Variants in KCNH8 observed in about 807,000 individuals in gnomAD.
KCNH8 encodes potassium voltage-gated channel subfamily H member 8.
KCNH8 carries 70 observed loss-of-function variants against 103.6 expected under a neutral mutation model. The ratio of observed to expected loss-of-function variants is 0.68; its 90% CI spans 0.56 to 0.82. The LOEUF is 0.82. Among genes scored for constraint, KCNH8 ranks in the 40% least tolerant of loss-of-function variants. The probability of loss-of-function intolerance (pLI) is 0.00; values close to 1 mark genes in which losing one functional copy is unlikely to be tolerated. For missense variants in KCNH8, 1,217 were observed against 1,329.9 expected, an observed-to-expected ratio of 0.92 and a Z score of 1.32; for synonymous variants, 498 against 489.4, an observed-to-expected ratio of 1.02 and a Z score of -0.23.
At chr3:19,325,885 C>T (rs74617771) in intron 3 of KCNH8, among the ~76,000 whole-genome samples, 2,518 of 152,230 alleles carry the variant, frequency 0.017, 68 homozygotes, top group African/African-American at 0.054. Flanking sequence ...AAGACATGCA[C>T]ATGTATGTTC....
chr3:19,216,763 T>G (rs892727002), intron 1 of KCNH8, among the ~76,000 whole-genome samples: 3 of 152,190 alleles, frequency 2.0e-5, no homozygotes, highest in Non-Finnish European at 2.9e-5. Context: ...TCTCTTCAGT[T>G]TTGTAGCAGT....
At chr3:19,479,059 T>C (rs1484548000) in intron 11 of KCNH8, among the ~76,000 whole-genome samples, 5 of 152,208 alleles carry the variant, frequency 3.3e-5, no homozygotes, top group African/African-American at 1.2e-4. Context: ...TAAGGTTACA[T>C]AGCTAATAAT....
At chr3:19,217,194 G>T (rs946939424) in intron 1 of KCNH8, among the ~76,000 whole-genome samples, 7 of 152,136 alleles carry the variant, frequency 4.6e-5, no homozygotes, top group Non-Finnish European at 2.9e-5. Flanking sequence ...CGTCTGCTTT[G>T]CTTGGAAAGT....
intron 11 of KCNH8, among the ~76,000 whole-genome samples, chr3:19,499,135 T>G (rs955099101): frequency 5.3e-5 from 8 of 151,902 alleles, no homozygotes. Context: ...GAGAACTACG[T>G]GAGGAATGCA....
chr3:19,366,302 G>A (rs1172753187), intron 5 of KCNH8, among the ~76,000 whole-genome samples: 1 of 151,890 alleles, frequency 6.6e-6, no homozygotes, highest in Non-Finnish European at 1.5e-5. Flanking sequence ...AGTTGTATTT[G>A]TCTGATGGAT....
chr3:19,231,886 G>A (rs1006752536), intron 1 of KCNH8, among the ~76,000 whole-genome samples: 4 of 152,170 alleles, frequency 2.6e-5, no homozygotes, highest in Admixed American at 2.6e-4. Flanking sequence ...ATCTTTCACA[G>A]TGCCTTTGCC....
chr3:19,308,403 T>C (rs1307618492), intron 3 of KCNH8, among the ~76,000 whole-genome samples: 1 of 151,636 alleles, frequency 6.6e-6, no homozygotes, highest in Non-Finnish European at 1.5e-5. Flanking sequence ...AAGCCCTGAG[T>C]AGTTATATTT....
rs368274708 is a variant in KCNH8 at position 19,275,318 on chromosome 3, A to G, written c.311-5880A>G. Among the ~76,000 whole-genome samples, 27 of 152,068 alleles carry G rather than the reference A, an allele frequency of 1.8e-4. No homozygotes were observed. In the South Asian group the frequency reaches 5.2e-3, roughly 29 times the overall value. On this transcript the variant is annotated intron_variant, in intron 2 of 15. Coordinates refer to ENST00000328405, the MANE Select transcript of KCNH8 (RefSeq NM_144633.3). ...CAGTGTGTTTTATTTTTCATTAAAC[A>G]TTGAAATGAAGGGTATCCTTAGCCA...
chr3:19,184,424 G>A (rs1434562549), intron 1 of KCNH8, among the ~76,000 whole-genome samples: 1 of 151,748 alleles, frequency 6.6e-6, no homozygotes, highest in Non-Finnish European at 1.5e-5. Flanking sequence ...TGGATCAGCT[G>A]GGAAAAAGGA....
In KCNH8 at chr3:19,308,703, T is replaced by C. The variant is rs377055243; in HGVS notation, c.442+27374T>C. ...CTCTCTCTCTCTCTCTCTCTCTCTCTCTCTCTCTCTCTCTCCCCCTCTCTC... is the reference window on the plus strand; with the variant it reads ...CTCTCTCTCTCTCTCTCTCTCTCTCCCTCTCTCTCTCTCTCCCCCTCTCTC... On this transcript the variant is annotated intron_variant, in intron 3 of 15. Transcript: ENST00000328405. Among the ~76,000 whole-genome samples, 416 of 45,390 alleles carry C rather than the reference T, an allele frequency of 9.2e-3. 4 individuals are homozygous for C. Among genetic ancestry groups the C allele is most frequent in the African/African-American group, 0.012 (101 of 8,714 alleles). The allele number at this position is 45,390 out of a possible 152,430, so 29.8% of individuals were successfully genotyped here. A position where few individuals can be genotyped will look rare whatever the true frequency, so the allele number is the denominator to read the frequency against.
At chr3:19,330,568 A>G (rs547762968) in intron 3 of KCNH8, among the ~76,000 whole-genome samples, 2 of 152,362 alleles carry the variant, frequency 1.3e-5, no homozygotes, top group South Asian at 4.1e-4. Context: ...GCATCAAGTT[A>G]TTCTGAAATT....
chr3:19,335,466 T>C (rs1456377398), intron 3 of KCNH8, among the ~76,000 whole-genome samples: 2 of 116,344 alleles, frequency 1.7e-5, no homozygotes. Flanking sequence ...TGTGTGTGTG[T>C]GTATATATAT....
chr3:19,151,668 C>T (rs1379013375), intron 1 of KCNH8, among the ~76,000 whole-genome samples: 1 of 151,968 alleles, frequency 6.6e-6, no homozygotes, highest in Non-Finnish European at 1.5e-5. Context: ...GATATTATCA[C>T]AGGGCAACAT....
chr3:19,441,066 G>A (rs2067276888), intron 8 of KCNH8, among the ~76,000 whole-genome samples: 2 of 152,158 alleles, frequency 1.3e-5, no homozygotes, highest in African/African-American at 4.8e-5. Context: ...GCCTGCTCTG[G>A]TGTGCATGCT....
At chr3:19,495,694 T>G (rs561407958) in intron 11 of KCNH8, among the ~76,000 whole-genome samples, 1 of 152,112 alleles carries the variant, frequency 6.6e-6, no homozygotes, top group Non-Finnish European at 1.5e-5. Flanking sequence ...AGGCTCTTTT[T>G]TAGTTTTGTA....
intron 3 of KCNH8, among the ~76,000 whole-genome samples, chr3:19,282,995 C>G (rs1252869145): frequency 6.6e-6 from 1 of 152,136 alleles, no homozygotes; most frequent in Non-Finnish European, 1.5e-5. Context: ...AGCAGAGCCT[C>G]TCACTGTGTA....
intron 8 of KCNH8, 42 bp downstream of exon 8, chr3:19,438,403 C>T (rs1200235014): frequency 1.3e-6 from 2 of 1,500,198 alleles, no homozygotes; most frequent in East Asian, 4.6e-5. Flanking sequence ...AGGAACTATG[C>T]CTACCTAACT....
At chr3:19,373,398 T>C (rs1238182478) in intron 5 of KCNH8, among the ~76,000 whole-genome samples, 3 of 152,226 alleles carry the variant, frequency 2.0e-5, no homozygotes, top group African/African-American at 4.8e-5. Context: ...TTTATTTGCG[T>C]AGAGGTGTTT....
At chr3:19,233,850 C>T (rs1158499733) in intron 1 of KCNH8, among the ~76,000 whole-genome samples, 1 of 152,020 alleles carries the variant, frequency 6.6e-6, no homozygotes, top group African/African-American at 2.4e-5. Context: ...TTCTGATGTT[C>T]GGATGTGTTC....
Sources: gnomAD v4.1 joint callset for allele counts (sites outside exome capture counted in the v4.1 genomes callset) on GRCh38, gnomAD v4.1.1 for gene constraint, MANE v1.5 for transcripts, NCBI Gene and HGNC (gene_info 2026-07-23, HGNC 2026-07-21) for gene names.